Variants in DMD observed in about 807,000 individuals in gnomAD.
DMD encodes dystrophin, also known as mutant dystrophin.
DMD carries 63 observed loss-of-function variants against 330.1 expected under a neutral mutation model. That is an observed-to-expected ratio of 0.19 (90% confidence interval 0.16 to 0.24). The LOEUF (loss-of-function observed/expected upper bound fraction) is 0.24. Ranked by LOEUF, DMD falls within the 10% of genes least tolerant of loss-of-function variation. The pLI is 1.00. For missense variants in DMD, 3,344 were observed against 2,684.1 expected (o/e 1.25, Z -5.43); for synonymous variants, 1,223 against 959.8 (o/e 1.27, Z -5.07).
At chrX:31,325,541 G>C (rs1478218392) in intron 61 of DMD, among the ~76,000 whole-genome samples, 2 of 109,906 alleles carry the variant, frequency 1.8e-5, no homozygotes, top group Non-Finnish European at 3.8e-5. Flanking sequence ...TTGAACCCAG[G>C]AGGCAAAGGA....
intron 7 of DMD, among the ~76,000 whole-genome samples, chrX:32,722,351 G>T (rs999534257): frequency 9.0e-6 from 1 of 110,651 alleles, no homozygotes; most frequent in African/African-American, 3.3e-5. Flanking sequence ...TATTTCTATA[G>T]CATTTACATT....
intron 1 of DMD, chrX:33,041,560 A>G: frequency 2.6e-5 from 32 of 1,208,962 alleles, no homozygotes; most frequent in Non-Finnish European, 3.6e-5. Flanking sequence ...GCAGGCAGAG[A>G]TCCTACAAGA....
chrX:32,565,957 G>A (rs991409320), intron 15 of DMD, 76 bp from the exon 16 acceptor site: 10 of 923,640 alleles, frequency 1.1e-5, no homozygotes, highest in African/African-American at 5.9e-5. Flanking sequence ...CTGCTTTTGC[G>A]TGTATTTGCT....
Position 32,747,079 on chromosome X carries a change from T to TATTTTTAAATTC in DMD, c.650-47798_650-47787dup, listed in dbSNP as rs1429623711. Among the ~76,000 whole-genome samples, 12 of 112,264 alleles carry TATTTTTAAATTC rather than the reference T, an allele frequency of 1.1e-4. No homozygotes were observed. In the East Asian group the frequency reaches 2.2e-3, roughly 21 times the overall value. On this transcript the variant is annotated intron_variant, in intron 7 of 78. Transcript: ENST00000357033. ...AATATTCCATTGTGTTTATATGCCATATTTTTAAATTCATTTATCTGTTAA... is the reference window on the plus strand; with the variant it reads ...AATATTCCATTGTGTTTATATGCCATATTTTTAAATTCATTTTTAAATTCATTTATCTGTTAA...
chrX:32,244,236 T>C (rs1210893187), intron 43 of DMD, among the ~76,000 whole-genome samples: 3 of 106,457 alleles, frequency 2.8e-5, no homozygotes, highest in African/African-American at 1.0e-4. Context: ...TTGCGATAGT[T>C]TACTGAGAAT....
At chrX:32,298,181 T>G (rs1419792910) in intron 42 of DMD, among the ~76,000 whole-genome samples, 1 of 110,713 alleles carries the variant, frequency 9.0e-6, no homozygotes, top group African/African-American at 3.3e-5. Context: ...CAGTAGAGTC[T>G]ACAGGGGAGA....
chrX:31,552,308 G>A (rs1488958620), intron 55 of DMD, among the ~76,000 whole-genome samples: 1 of 111,619 alleles, frequency 9.0e-6, no homozygotes, highest in Non-Finnish European at 1.9e-5. Context: ...GAGTAGTTGG[G>A]ATTATAGGTG....
chrX:32,852,613 C>A (rs144451322), intron 2 of DMD, among the ~76,000 whole-genome samples: 2 of 111,180 alleles, frequency 1.8e-5, no homozygotes, highest in Non-Finnish European at 3.8e-5. Flanking sequence ...CAGGCCTTGG[C>A]TCCTGGATGG....
At chrX:31,677,799 A>G (rs2082160940) in intron 53 of DMD, among the ~76,000 whole-genome samples, 2 of 112,441 alleles carry the variant, frequency 1.8e-5, no homozygotes, top group Admixed American at 1.9e-4. Flanking sequence ...ATAGCAGCTC[A>G]GGTCCCTTCG....
At position 31,971,241 on chromosome X, in the gene DMD, A is replaced by G. The variant is rs570642839; in HGVS notation, c.6439-2727T>C. ...TCAAGGAATTCTTATTGCTGCTTAT[A>G]ATGCTATAAACTAATGCTGCAGCAT... On this transcript the variant is annotated intron_variant, in intron 44 of 78. Transcript: ENST00000357033. Among the ~76,000 whole-genome samples the G allele has an allele frequency of 8.9e-5, 10 of 112,074 alleles. No homozygotes were observed. In the South Asian group the frequency reaches 3.3e-3, roughly 37 times the overall value.
intron 50 of DMD, among the ~76,000 whole-genome samples, chrX:31,803,333 G>C (rs1440939692): frequency 8.9e-6 from 1 of 112,510 alleles, no homozygotes; most frequent in Non-Finnish European, 1.9e-5. Flanking sequence ...TGTGACTCCA[G>C]GCACCAGGGG....
At chrX:32,319,843 A>C (rs901000814) in intron 41 of DMD, among the ~76,000 whole-genome samples, 1 of 110,934 alleles carries the variant, frequency 9.0e-6, no homozygotes, top group African/African-American at 3.3e-5. Flanking sequence ...GTATTCAAAA[A>C]ATCATTTTAA....
rs150219527 is a variant in DMD at position 31,783,640 on chromosome X, C to T, written c.7310-9448G>A. Among the ~76,000 whole-genome samples the T allele has an allele frequency of 4.4e-3, 488 of 110,852 alleles. 2 individuals are homozygous for T. Among genetic ancestry groups the T allele is most frequent in the African/African-American group, 0.014 (428 of 30,504 alleles). On this transcript the variant is annotated intron_variant, in intron 50 of 78. Coordinates refer to ENST00000357033, the MANE Select transcript of DMD (RefSeq NM_004006.3). ...CAAGTTGCAATGTACTAAGCAGAGT[C>T]CTTAAGTGTAATCTCGTTCTCTCTC... is the stretch of plus-strand genomic sequence containing the variant.
At chrX:32,238,500 G>A (rs1044091859) in intron 43 of DMD, among the ~76,000 whole-genome samples, 6 of 110,798 alleles carry the variant, frequency 5.4e-5, no homozygotes, top group Admixed American at 1.9e-4. Flanking sequence ...AGAGATAGGC[G>A]TGGATGGAGA....
intron 2 of DMD, among the ~76,000 whole-genome samples, chrX:32,949,354 A>G (rs867588310): frequency 0.01 from 768 of 75,679 alleles, 7 homozygotes; most frequent in Middle Eastern, 0.019. Context: ...AGATAGATAG[A>G]TAGATAGATA....
intron 1 of DMD, among the ~76,000 whole-genome samples, chrX:33,038,821 C>T (rs1007002119): frequency 9.1e-6 from 1 of 110,220 alleles, no homozygotes; most frequent in East Asian, 2.9e-4. Flanking sequence ...GGCGAAACCC[C>T]GTCTCTACTA....
chrX:33,006,767 T>A (rs1420138259), intron 2 of DMD, among the ~76,000 whole-genome samples: 2 of 111,334 alleles, frequency 1.8e-5, no homozygotes, highest in African/African-American at 6.5e-5. Flanking sequence ...AAATACTCCT[T>A]CCATAAAAAC....
At chrX:31,659,630 T>C in intron 53 of DMD, among the ~76,000 whole-genome samples, 1 of 66,343 alleles carries the variant, frequency 1.5e-5, no homozygotes, top group Non-Finnish European at 2.5e-5. Context: ...AGAGTGAGAC[T>C]CCATCTCGGA....
At chrX:32,321,187 T>C (rs942648099) in intron 41 of DMD, among the ~76,000 whole-genome samples, 2 of 111,667 alleles carry the variant, frequency 1.8e-5, no homozygotes, top group Admixed American at 1.9e-4. Flanking sequence ...AATAGAAATG[T>C]TGAGAATGGG....
Sources: gnomAD v4.1 joint callset for allele counts (sites outside exome capture counted in the v4.1 genomes callset) on GRCh38, gnomAD v4.1.1 for gene constraint, MANE v1.5 for transcripts, NCBI Gene and HGNC (gene_info 2026-07-23, HGNC 2026-07-21) for gene names.